The following DYNC1H1 variants were observed in gnomAD, a reference collection of about 807,000 sequenced individuals.
The protein encoded by DYNC1H1 is dynein cytoplasmic 1 heavy chain 1, also known as cytoplasmic dynein 1 heavy chain 1.
A neutral mutation model predicts 527.1 loss-of-function variants in DYNC1H1; 51 were observed. The observed-to-expected ratio is 0.10, with a 90% CI of 0.08 to 0.12. The LOEUF is 0.12. DYNC1H1 is among the 10% of genes least tolerant of loss of function. The probability of loss-of-function intolerance (pLI) is 1.00; values close to 1 mark genes in which losing one functional copy is unlikely to be tolerated. For missense variants in DYNC1H1, 2,771 were observed against 5,971.8 expected, an observed-to-expected ratio of 0.46 and a Z score of 17.66; for synonymous variants, 2,189 against 2,278.8, an observed-to-expected ratio of 0.96 and a Z score of 1.12.
In DYNC1H1 at chr14:102,042,631, T is replaced by G; in HGVS notation, c.12400-4T>G. On this transcript the variant is annotated splice_region_variant and splice_polypyrimidine_tract_variant and intron_variant, in intron 68 of 77. Coordinates refer to ENST00000360184, the MANE Select transcript of DYNC1H1 (RefSeq NM_001376.5). This position sits in a 1 kb window ranked among gnomAD's most constrained non-coding sequence, Gnocchi z 5.7. ...AGCATAACTGGAACGGCGCTCTCCC[T>G]TAGGTGCCTGTGAATCTGCTCCGTG... The G allele has an allele frequency of 6.2e-7, 1 of 1,614,150 alleles. No individual in the cohort carries two copies. The highest frequency in any genetic ancestry group is 1.1e-5 in the South Asian group (1 of 91,078).
At chr14:101,992,556 C>T (rs1210127644) in intron 11 of DYNC1H1, among the ~76,000 whole-genome samples, 1 of 152,128 alleles carries the variant, frequency 6.6e-6, no homozygotes, top group Non-Finnish European at 1.5e-5. Flanking sequence ...TTCCCTAGAG[C>T]CCATCCCCTC....
Position 102,049,396 on chromosome 14 carries a change from G to A in DYNC1H1, c.13373-44G>A, listed in dbSNP as rs754991580. 12 of 1,612,552 alleles carry A rather than the reference G, an allele frequency of 7.4e-6. No homozygotes were observed. The highest frequency in any genetic ancestry group is 1.7e-5 in the Admixed American group (1 of 59,994). The stretch of plus-strand genomic sequence containing the variant: ...CATTTGTTCCATCTGTGCTGGGGGA[G>A]TTGTGAGAGCTGACACCCTGGGCTC... On this transcript the variant is annotated intron_variant, in intron 74 of 77. Coordinates refer to ENST00000360184, the MANE Select transcript of DYNC1H1 (RefSeq NM_001376.5). This position sits in a 1 kb window ranked among gnomAD's most constrained non-coding sequence, Gnocchi z 5.5.
At chr14:101,974,930 A>G (rs2047782962) in intron 1 of DYNC1H1, among the ~76,000 whole-genome samples, 2 of 152,230 alleles carry the variant, frequency 1.3e-5, no homozygotes, top group Admixed American at 6.5e-5. Flanking sequence ...GGAGGAAGAT[A>G]CATTCATAAG....
rs558170001 is a variant in DYNC1H1 at position 102,015,355 on chromosome 14, A to G, written c.7242+23A>G. The G allele has an allele frequency of 3.1e-6, 5 of 1,594,284 alleles. No individual in the cohort carries two copies. Among genetic ancestry groups the G allele is most frequent in the Middle Eastern group, 1.7e-4 (1 of 5,722 alleles). ...CAGGTACGCCCAGGTGGGACCCCAC[A>G]TATCATGACCTGAGGGTGCTAGGAT... On this transcript the variant is annotated intron_variant, in intron 35 of 77. Coordinates refer to ENST00000360184, the MANE Select transcript of DYNC1H1 (RefSeq NM_001376.5). This position sits in a 1 kb window ranked among gnomAD's most constrained non-coding sequence, Gnocchi z 6.9.
At chr14:101,976,076 T>A (rs2141267010) in intron 2 of DYNC1H1, among the ~76,000 whole-genome samples, 1 of 151,604 alleles carries the variant, frequency 6.6e-6, no homozygotes, top group East Asian at 2.0e-4. Flanking sequence ...CCTGGCTAAT[T>A]CTGTATTTTT....
In DYNC1H1 at chr14:102,001,077, T is replaced by TATC. The variant is rs770371938; in HGVS notation, c.4185+14_4185+16dup. The TATC allele has an allele frequency of 9.3e-6, 15 of 1,613,958 alleles. 1 individual carries two copies. In the East Asian group the frequency reaches 2.9e-4, roughly 31 times the overall value. ...AGGTTACATGAAGGTAGGTGGCCAG[T>TATC]ATCGCACGGTGATGAGTGTCCATTA... On this transcript the variant is annotated intron_variant, in intron 19 of 77. Coordinates refer to ENST00000360184, the MANE Select transcript of DYNC1H1 (RefSeq NM_001376.5). The surrounding 1 kb of genome is among the most constrained non-coding windows in gnomAD (Gnocchi z 5.0).
Position 102,038,065 on chromosome 14 carries a change from G to A in DYNC1H1, c.10909-395G>A, listed in dbSNP as rs1333495307. 2.0e-5 allele frequency: 7 copies of A among 342,286 alleles called. No individual in the cohort carries two copies. The East Asian group carries it at 4.6e-4, about 22-fold the overall frequency. 21.2% of individuals were successfully genotyped at this position (342,286 alleles called of 1,614,324 possible). On this transcript the variant is annotated intron_variant, in intron 57 of 77. Transcript: ENST00000360184. This position sits in a 1 kb window ranked among gnomAD's most constrained non-coding sequence, Gnocchi z 7.2. ...AGAGTGTTGCTCTGTCCCCCAGTCT[G>A]AACCTCCCAGGTTCAAGCAATTCTG...
In DYNC1H1 at chr14:102,004,474, G is replaced by A. The variant is rs763855564; in HGVS notation, c.4884-44G>A. ...AATCTTACCTTGATTCACCTTATAT[G>A]TGTATATAATATTTTTGCAACTTGA... On this transcript the variant is annotated intron_variant, in intron 23 of 77. Coordinates refer to ENST00000360184, the MANE Select transcript of DYNC1H1 (RefSeq NM_001376.5). The A allele has an allele frequency of 4.0e-5, 63 of 1,568,756 alleles. 1 individual carries two copies. In the Middle Eastern group the frequency reaches 1.0e-3, roughly 26 times the overall value.
chr14:101,991,114 T>C (rs1326612138), intron 10 of DYNC1H1, among the ~76,000 whole-genome samples: 2 of 151,480 alleles, frequency 1.3e-5, no homozygotes, highest in African/African-American at 4.9e-5. Context: ...GCCCAGAATG[T>C]CAAGTGAGCC....
chr14:102,012,282 T>A lies in DYNC1H1; in HGVS notation c.6858-32T>A. ...GCCTAATGTTAAAATCTTGATTTAA[T>A]CAGCAGCTATTTTAAAATCCTTCCC... On this transcript the variant is annotated intron_variant, in intron 33 of 77. Coordinates refer to ENST00000360184, the MANE Select transcript of DYNC1H1 (RefSeq NM_001376.5). The surrounding 1 kb of genome is among the most constrained non-coding windows in gnomAD (Gnocchi z 4.9). 1 of 1,614,232 alleles carries A rather than the reference T, an allele frequency of 6.2e-7. No homozygotes were observed. Among genetic ancestry groups the A allele is most frequent in the Non-Finnish European group, 8.5e-7 (1 of 1,180,042 alleles).
Position 101,986,022 on chromosome 14 carries a change from G to A in DYNC1H1, c.1797G>A (p.Gly599=), listed in dbSNP as rs1022735666. The part of the protein sequence containing the change: ...NALFVRPHIR[G]AIREYQTQLI... ...TGTTTGTCAGGCCTCACATCCGTGG[G>A]GCCATTCGCGAATACCAGACCCAGC... is the stretch of plus-strand genomic sequence containing the variant. Residue 599 remains glycine (G), a synonymous_variant, in exon 8 of 78, where the codon GGG becomes GGA. Coordinates refer to ENST00000360184, the MANE Select transcript of DYNC1H1 (RefSeq NM_001376.5). This position sits in a 1 kb window ranked among gnomAD's most constrained non-coding sequence, Gnocchi z 8.7. 5.0e-6 allele frequency: 8 copies of A among 1,614,086 alleles called. No homozygotes were observed. In the African/African-American group the frequency reaches 9.3e-5, roughly 19 times the overall value.
intron 57 of DYNC1H1, chr14:102,037,028 C>T (rs2048583561): frequency 6.2e-6 from 2 of 321,036 alleles, no homozygotes; most frequent in Non-Finnish European, 6.1e-6. Context: ...ACCCGGGAGG[C>T]GGAGGTTGCA....
chr14:101,976,228 T>C (rs1019399208), intron 2 of DYNC1H1, among the ~76,000 whole-genome samples: 2 of 150,646 alleles, frequency 1.3e-5, no homozygotes, highest in Non-Finnish European at 3.0e-5. Context: ...TCAATCTTAA[T>C]TGACTCAGAC....
At chr14:102,007,429 T>C (rs1190616290) in intron 28 of DYNC1H1, among the ~76,000 whole-genome samples, 4 of 152,172 alleles carry the variant, frequency 2.6e-5, no homozygotes, top group African/African-American at 9.6e-5. Context: ...TTATCTTTAA[T>C]CAACAAAAAG....
At chr14:102,019,772 C>T in intron 41 of DYNC1H1, 121 bp from the exon 42 acceptor site, 1 of 1,305,620 alleles carries the variant, frequency 7.7e-7, no homozygotes, top group South Asian at 1.2e-5. Context: ...CAGCTATCTT[C>T]TTAAATATTT....
intron 1 of DYNC1H1, among the ~76,000 whole-genome samples, chr14:101,972,734 A>G (rs1025664434): frequency 6.6e-6 from 1 of 152,222 alleles, no homozygotes; most frequent in Non-Finnish European, 1.5e-5. Flanking sequence ...AATGATTCAG[A>G]GTTAACAAGC....
At position 102,039,261 on chromosome 14, in the gene DYNC1H1, G is replaced by A. The variant is rs1474620810; in HGVS notation, c.11460+7G>A. Reference sequence around the variant, plus strand: ...CATGGAGTCCCTCAAGCAGGTGGGTGCCTTGGCCATGCAGAGACTGGCGGG... The same window carrying A: ...CATGGAGTCCCTCAAGCAGGTGGGTACCTTGGCCATGCAGAGACTGGCGGG... On this transcript the variant is annotated splice_region_variant and intron_variant, in intron 60 of 77. Coordinates refer to ENST00000360184, the MANE Select transcript of DYNC1H1 (RefSeq NM_001376.5). The surrounding 1 kb of genome is among the most constrained non-coding windows in gnomAD (Gnocchi z 7.0). 1.5e-5 allele frequency: 24 copies of A among 1,613,264 alleles called. No individual in the cohort carries two copies. The highest frequency in any genetic ancestry group is 8.3e-5 in the Admixed American group (5 of 60,026).
In DYNC1H1 at chr14:102,056,182, C is replaced by T. The variant is rs1394671827; in HGVS notation, c.*5619C>T. The T allele has an allele frequency of 6.6e-6, 1 of 152,210 alleles. No individual in the cohort carries two copies. Among genetic ancestry groups the T allele is most frequent in the Non-Finnish European group, 1.5e-5 (1 of 68,044 alleles). 9.4% of individuals were successfully genotyped at this position (152,210 alleles called of 1,614,324 possible). ...TTAAAAATCAGCTCATGACTTAGAA[C>T]CCGATGTTACCCATAGATTTCAGGC... On this transcript the variant is annotated 3_prime_UTR_variant, in exon 78 of 78. Transcript: ENST00000360184.
In DYNC1H1 at chr14:102,037,530, ACT is replaced by A. The variant is rs2048592396; in HGVS notation, c.10908+890_10908+891del. 2.6e-5 allele frequency: 4 copies of A among 152,272 alleles called. No homozygotes were observed. The South Asian group carries it at 8.3e-4, about 32-fold the overall frequency. The allele number at this position is 152,272 out of a possible 1,614,324, so 9.4% of individuals were successfully genotyped here. Reference sequence around the variant, plus strand: ...AGCTGGAGGCCATTATCCTCAGCAAACTCATGCAGGAGCAGAAAACCAAGTAC... The same window carrying A: ...AGCTGGAGGCCATTATCCTCAGCAAACATGCAGGAGCAGAAAACCAAGTAC... On this transcript the variant is annotated intron_variant, in intron 57 of 77. Coordinates refer to ENST00000360184, the MANE Select transcript of DYNC1H1 (RefSeq NM_001376.5).
Sources: allele counts gnomAD v4.1 joint callset (sites outside exome capture counted in the v4.1 genomes callset), GRCh38; gene constraint gnomAD v4.1.1; non-coding constraint Gnocchi (gnomAD v3.1); transcripts MANE v1.5; gene names NCBI Gene and HGNC (gene_info 2026-07-23, HGNC 2026-07-21).